MTMR10: variants seen among roughly 807,000 people sequenced by gnomAD.
MTMR10 encodes myotubularin related protein 10, also known as myotubularin-related protein 10.
A neutral mutation model predicts 88.1 loss-of-function variants in MTMR10; 56 were observed. The ratio of observed to expected loss-of-function variants is 0.64; its 90% CI spans 0.51 to 0.79. The LOEUF (loss-of-function observed/expected upper bound fraction) is 0.79. Ranked by LOEUF, MTMR10 falls within the 30% of genes least tolerant of loss-of-function variation. The pLI, the probability that MTMR10 is intolerant of heterozygous loss-of-function variation, is 0.00. For synonymous variants in MTMR10, 380 were observed against 340.9 expected, an observed-to-expected ratio of 1.11 and a Z score of -1.26; for missense variants, 883 against 924.7, an observed-to-expected ratio of 0.95 and a Z score of 0.58.
chr15:30,955,131 A>G (rs1218763482), intron 9 of MTMR10, among the ~76,000 whole-genome samples: 7 of 152,102 alleles, frequency 4.6e-5, no homozygotes, highest in Non-Finnish European at 1.0e-4. Flanking sequence ...ACTGAGAGTG[A>G]AATCAAGGAG....
rs373906221 is a variant in MTMR10, at chr15:30,947,192, G to A, written c.1486C>T (p.Arg496Trp). The change falls in exon 14 of 16, where the codon CGG becomes TGG. Residue 496 changes from arginine to tryptophan, a missense_variant. Coordinates refer to ENST00000435680, the MANE Select transcript of MTMR10 (RefSeq NM_017762.3). Reference protein sequence around the residue: ...TYLAVLYDSTRISLFGTFLFN... With the variant: ...TYLAVLYDSTWISLFGTFLFN... ...AGGAAGGTGCCAAACAGTGAGATCC[G>A]GGTGCTGTCATACAACACTGCCAGG... 49 of 1,613,850 alleles carry A rather than the reference G, an allele frequency of 3.0e-5. No homozygotes were observed. The Admixed American group carries it at 4.8e-4, about 16-fold the overall frequency.
At chr15:30,936,596 A>G (rs1431911041), downstream of MTMR10, among the ~76,000 whole-genome samples, 1 of 152,216 alleles carries the variant, frequency 6.6e-6, no homozygotes, top group Non-Finnish European at 1.5e-5. Flanking sequence ...CTACATACAG[A>G]CGCTTCTCAA....
chr15:30,922,850 C>T, the MTMR10 span, among the ~76,000 whole-genome samples: 6 of 152,334 alleles, frequency 3.9e-5, no homozygotes, highest in South Asian at 4.1e-4. Flanking sequence ...CATTTGGAAG[C>T]GTTGTTTGAC....
At chr15:30,928,004 C>T in the MTMR10 span, 8 of 985,754 alleles carry the variant, frequency 8.1e-6, no homozygotes, top group East Asian at 1.1e-4. Flanking sequence ...CCTTGACTAT[C>T]GGAAGCACTG....
intron 1 of MTMR10, chr15:30,991,143 G>T (rs2031293535): frequency 4.1e-6 from 2 of 492,912 alleles, no homozygotes; most frequent in Admixed American, 4.2e-5. Context: ...AGGGAGGGTC[G>T]ATGGGTTGGA....
chr15:30,964,199 A>G (rs2063445264), intron 6 of MTMR10, among the ~76,000 whole-genome samples: 1 of 152,236 alleles, frequency 6.6e-6, no homozygotes, highest in Non-Finnish European at 1.5e-5. Flanking sequence ...TAAAACCACC[A>G]CCACCAAAAA....
chr15:30,987,823 C>T (rs1301394965), intron 2 of MTMR10, among the ~76,000 whole-genome samples: 1 of 151,926 alleles, frequency 6.6e-6, no homozygotes, highest in Non-Finnish European at 1.5e-5. Context: ...TTTCAAGCCC[C>T]GCACGCATTA....
chr15:30,959,444 T>C (rs781159099), intron 7 of MTMR10, among the ~76,000 whole-genome samples: 2 of 152,232 alleles, frequency 1.3e-5, no homozygotes, highest in African/African-American at 2.4e-5. Context: ...TGACAGGCTA[T>C]GGTTAAGGAC....
chr15:30,937,357 A>G (rs2062885333), downstream of MTMR10: 5 of 1,155,994 alleles, frequency 4.3e-6, no homozygotes, highest in Non-Finnish European at 6.1e-6. Context: ...TATAAACCTG[A>G]TAGTTTGACT....
downstream of MTMR10, among the ~76,000 whole-genome samples, chr15:30,937,828 G>C (rs1373099877): frequency 6.6e-6 from 1 of 151,850 alleles, no homozygotes; most frequent in Admixed American, 6.6e-5. Context: ...TATATGATTA[G>C]ATGTGCAAAA....
At chr15:30,925,233 A>G in the MTMR10 span, 1 of 1,614,146 alleles carries the variant, frequency 6.2e-7, no homozygotes, top group South Asian at 1.1e-5. Context: ...CCGAGCTGTA[A>G]AAAGTTCAAG....
chr15:30,946,485 C>A (rs1275364607), intron 14 of MTMR10: 1 of 441,474 alleles, frequency 2.3e-6, no homozygotes, highest in Non-Finnish European at 4.0e-6. Flanking sequence ...CAGGGCCTTA[C>A]GGCTGAGGCT....
chr15:30,950,300 A>G (rs2063226301), intron 12 of MTMR10: 1 of 152,176 alleles, frequency 6.6e-6, no homozygotes, highest in South Asian at 2.1e-4. Flanking sequence ...ACACATTACT[A>G]TTTGATTTTT....
rs1254395204 is a variant in MTMR10, at chr15:30,941,764, G to A, written c.2040C>T (p.His680=). ...CTTCATCAGCCAGGAGGGAGAGCTT[G>A]TGAAAGGCTGTGATGGAGCCACCCA... ...ISLGGSITAF[H]KLSLLADEVD... Residue 680 remains histidine, a synonymous_variant, in exon 16 of 16, where the codon CAC becomes CAT. Coordinates refer to ENST00000435680, the MANE Select transcript of MTMR10 (RefSeq NM_017762.3). The A allele has an allele frequency of 6.2e-7, 1 of 1,614,022 alleles. No homozygotes were observed. The highest frequency in any genetic ancestry group is 8.5e-7 in the Non-Finnish European group (1 of 1,179,890).
downstream of MTMR10, among the ~76,000 whole-genome samples, chr15:30,938,546 G>A (rs1226764901): frequency 1.3e-5 from 2 of 152,056 alleles, no homozygotes; most frequent in Non-Finnish European, 2.9e-5. Context: ...CAGTCAAATC[G>A]GCTGCTCATC....
intron 1 of MTMR10, 110 bp downstream of exon 1, chr15:30,991,337 G>T: frequency 8.9e-7 from 1 of 1,121,312 alleles, no homozygotes; most frequent in Non-Finnish European, 1.2e-6. Flanking sequence ...GCTGCTGTGG[G>T]CAGGGAGACG....
At chr15:30,920,691 G>T in the MTMR10 span, 1 of 1,231,442 alleles carries the variant, frequency 8.1e-7, no homozygotes, top group Non-Finnish European at 1.2e-6. Context: ...CATTACTGAT[G>T]TGATGGCGTT....
rs182552262 is a variant in MTMR10 at position 30,985,297 on chromosome 15, C to T, written c.121+5480G>A. On this transcript the variant is annotated intron_variant, in intron 2 of 15. Coordinates refer to ENST00000435680, the MANE Select transcript of MTMR10 (RefSeq NM_017762.3). ...GAAATTCTCTGAAAGTTCTTCTGCA[C>T]GCTGGGTCAAAATCTGTCACTGTTG... is the stretch of plus-strand genomic sequence containing the variant. Among the ~76,000 whole-genome samples, 201 of 152,332 alleles carry T rather than the reference C, an allele frequency of 1.3e-3. 1 individual carries two copies. The highest frequency in any genetic ancestry group is 4.5e-3 in the African/African-American group (188 of 41,592).
chr15:30,982,278 T>A (rs1170581752), intron 2 of MTMR10, among the ~76,000 whole-genome samples: 1 of 152,148 alleles, frequency 6.6e-6, no homozygotes, highest in Admixed American at 6.5e-5. Flanking sequence ...GAAATACGAA[T>A]AAAACCTGCA....
Sources: gnomAD v4.1 joint callset for allele counts (sites outside exome capture counted in the v4.1 genomes callset) on GRCh38, gnomAD v4.1.1 for gene constraint, MANE v1.5 for transcripts, NCBI Gene and HGNC (gene_info 2026-07-23, HGNC 2026-07-21) for gene names.